The following ATP6V1H variants were observed in gnomAD, a reference collection of about 807,000 sequenced individuals.
ATP6V1H encodes V-type proton ATPase subunit H.
ATP6V1H carries 39 observed loss-of-function variants against 71.7 expected under a neutral mutation model. That is an observed-to-expected ratio of 0.54 (90% confidence interval 0.42 to 0.71). The LOEUF (loss-of-function observed/expected upper bound fraction) is 0.71, where lower values mean the gene tolerates loss of function less well. Ranked by LOEUF, ATP6V1H falls within the 30% of genes least tolerant of loss-of-function variation. The pLI, the probability that ATP6V1H is intolerant of heterozygous loss-of-function variation, is 0.00. For synonymous variants in ATP6V1H, 192 were observed against 199.3 expected (o/e 0.96, Z 0.31); for missense variants, 509 against 594.9 (o/e 0.86, Z 1.50).
intron 13 of ATP6V1H, among the ~76,000 whole-genome samples, chr8:53,717,910 A>G (rs1243984973): frequency 1.3e-5 from 2 of 152,186 alleles, no homozygotes; most frequent in African/African-American, 2.4e-5. Context: ...AGTGTACTCA[A>G]AGACACTGTG....
intron 11 of ATP6V1H, 65 bp from the exon 12 acceptor site, chr8:53,756,721 A>G (rs1028495219): frequency 1.0e-6 from 1 of 978,134 alleles, no homozygotes; most frequent in Admixed American, 2.3e-5. Flanking sequence ...AACAGAGCAC[A>G]GGTATAATGA....
chr8:53,829,233 T>C (rs1810915912), intron 4 of ATP6V1H, among the ~76,000 whole-genome samples: 1 of 152,218 alleles, frequency 6.6e-6, no homozygotes, highest in South Asian at 2.1e-4. Flanking sequence ...TATTGATTAC[T>C]TGGTGTTCTG....
chr8:53,724,050 C>T (rs994785745), intron 13 of ATP6V1H, among the ~76,000 whole-genome samples: 112 of 152,190 alleles, frequency 7.4e-4, no homozygotes, highest in African/African-American at 2.6e-3. Context: ...AGTATAACTA[C>T]TTCAGTTGTT....
chr8:53,734,304 C>G (rs1188326936), intron 13 of ATP6V1H, among the ~76,000 whole-genome samples: 1 of 152,200 alleles, frequency 6.6e-6, no homozygotes, highest in African/African-American at 2.4e-5. Context: ...GACCTGACCT[C>G]TGGGACCAGC....
At chr8:53,719,360 G>C (rs965340524) in intron 13 of ATP6V1H, among the ~76,000 whole-genome samples, 31 of 152,190 alleles carry the variant, frequency 2.0e-4, no homozygotes, top group African/African-American at 7.5e-4. Flanking sequence ...CAGTAGAGAT[G>C]GGGTTCTGCC....
chr8:53,768,020 T>G (rs748314070), intron 11 of ATP6V1H, among the ~76,000 whole-genome samples: 1 of 152,080 alleles, frequency 6.6e-6, no homozygotes, highest in African/African-American at 2.4e-5. Context: ...TGAGACAAAA[T>G]ATTTGCAAAT....
chr8:53,792,448 C>G (rs1325755068), intron 9 of ATP6V1H, among the ~76,000 whole-genome samples: 1 of 152,196 alleles, frequency 6.6e-6, no homozygotes, highest in Non-Finnish European at 1.5e-5. Context: ...CCCTCACTCA[C>G]TCAGCCCTTG....
intron 12 of ATP6V1H, among the ~76,000 whole-genome samples, chr8:53,753,811 C>T (rs1267325569): frequency 6.6e-6 from 1 of 152,132 alleles, no homozygotes; most frequent in Non-Finnish European, 1.5e-5. Flanking sequence ...TAATTTTGGA[C>T]AGCTCTTGAT....
chr8:53,830,650 C>T (rs893780872), intron 3 of ATP6V1H, among the ~76,000 whole-genome samples: 1 of 152,122 alleles, frequency 6.6e-6, no homozygotes, highest in Non-Finnish European at 1.5e-5. Flanking sequence ...TTCCTGGCAA[C>T]TGCCCCATAA....
chr8:53,822,803 T>C (rs554971318), intron 4 of ATP6V1H, among the ~76,000 whole-genome samples: 3 of 152,112 alleles, frequency 2.0e-5, no homozygotes, highest in African/African-American at 7.2e-5. Flanking sequence ...CAGGCAAAGA[T>C]ATGCAGACAA....
intron 11 of ATP6V1H, among the ~76,000 whole-genome samples, chr8:53,768,762 G>A (rs938203603): frequency 6.6e-6 from 1 of 152,110 alleles, no homozygotes; most frequent in East Asian, 1.9e-4. Context: ...GTTACTTAGG[G>A]CTAGGTAGAT....
chr8:53,730,844 C>T (rs762608693), intron 13 of ATP6V1H, among the ~76,000 whole-genome samples: 1 of 152,122 alleles, frequency 6.6e-6, no homozygotes, highest in Non-Finnish European at 1.5e-5. Context: ...AGGACGAAAG[C>T]ACCATACTGT....
intron 13 of ATP6V1H, among the ~76,000 whole-genome samples, chr8:53,738,845 A>C (rs867326678): frequency 2.6e-5 from 4 of 152,236 alleles, no homozygotes; most frequent in South Asian, 2.1e-4. Flanking sequence ...ACTTGCAAAG[A>C]AGCAGCAACC....
At chr8:53,831,279 A>C (rs1332152097) in intron 3 of ATP6V1H, among the ~76,000 whole-genome samples, 2 of 152,224 alleles carry the variant, frequency 1.3e-5, no homozygotes, top group Non-Finnish European at 2.9e-5. Flanking sequence ...CCTAGGCTAT[A>C]TGGTAGAACC....
intron 12 of ATP6V1H, among the ~76,000 whole-genome samples, chr8:53,753,951 T>C (rs1807899177): frequency 6.6e-6 from 1 of 152,164 alleles, no homozygotes; most frequent in Non-Finnish European, 1.5e-5. Context: ...GGATAGTTTA[T>C]TGCTCACAGC....
rs544257756 is a variant in ATP6V1H, at chr8:53,731,881, G to A, written c.1391+11696C>T. On this transcript the variant is annotated intron_variant, in intron 13 of 13. Transcript: ENST00000359530. Reference sequence around the variant, plus strand: ...GCGACGCAGATCCTGAGAGCGCTCCGGGGTAGGCATTTGTCCTGGTGGAAC... The same window carrying A: ...GCGACGCAGATCCTGAGAGCGCTCCAGGGTAGGCATTTGTCCTGGTGGAAC... Among the ~76,000 whole-genome samples, 215 of 152,380 alleles carry A rather than the reference G, an allele frequency of 1.4e-3. 1 individual carries two copies. The highest frequency in any genetic ancestry group is 4.9e-3 in the African/African-American group (204 of 41,592).
intron 4 of ATP6V1H, among the ~76,000 whole-genome samples, chr8:53,818,427 T>A (rs1810525743): frequency 6.6e-6 from 1 of 152,160 alleles, no homozygotes; most frequent in Admixed American, 6.5e-5. Context: ...TATTTTTAAA[T>A]ATAGTGGGGT....
intron 9 of ATP6V1H, among the ~76,000 whole-genome samples, chr8:53,793,117 A>G (rs1341676077): frequency 1.3e-5 from 2 of 152,238 alleles, no homozygotes; most frequent in African/African-American, 4.8e-5. Context: ...TGCTATGAAT[A>G]AGCAATTTAT....
chr8:53,757,302 C>A (rs997874273), intron 11 of ATP6V1H, among the ~76,000 whole-genome samples: 3 of 152,190 alleles, frequency 2.0e-5, no homozygotes, highest in African/African-American at 7.2e-5. Flanking sequence ...GCTCCCCCTG[C>A]CCCGGCTTCT....
Sources: allele counts gnomAD v4.1 joint callset (sites outside exome capture counted in the v4.1 genomes callset), GRCh38; gene constraint gnomAD v4.1.1; transcripts MANE v1.5; gene names NCBI Gene and HGNC (gene_info 2026-07-23, HGNC 2026-07-21).